Variants in CUX1 observed in about 807,000 individuals in gnomAD.
CUX1 encodes the protein cut like homeobox 1, also known as protein CASP.
A neutral mutation model predicts 158.8 loss-of-function variants in CUX1; 31 were observed. The ratio of observed to expected loss-of-function variants is 0.20; its 90% CI spans 0.15 to 0.26. CUX1 has a LOEUF of 0.26. CUX1 is among the 10% of genes least tolerant of loss of function. The probability of loss-of-function intolerance (pLI) is 1.00; values close to 1 mark genes in which losing one functional copy is unlikely to be tolerated. For missense variants in CUX1, 1,589 were observed against 2,014.6 expected, an observed-to-expected ratio of 0.79 and a Z score of 4.04; for synonymous variants, 879 against 862.1, an observed-to-expected ratio of 1.02 and a Z score of -0.34.
At chr7:102,174,363 C>T (rs1408548740) in intron 10 of CUX1, among the ~76,000 whole-genome samples, 6 of 152,154 alleles carry the variant, frequency 3.9e-5, no homozygotes, top group Non-Finnish European at 8.8e-5. Context: ...AGGTGATCTG[C>T]CCACCTCAGC....
chr7:101,846,951 G>A (rs1226073445), intron 1 of CUX1, among the ~76,000 whole-genome samples: 1 of 151,986 alleles, frequency 6.6e-6, no homozygotes, highest in Non-Finnish European at 1.5e-5. Flanking sequence ...GGGCAACATA[G>A]CAAGACCCTG....
intron 10 of CUX1, among the ~76,000 whole-genome samples, chr7:102,171,208 G>A (rs1289517268): frequency 6.6e-6 from 1 of 152,104 alleles, no homozygotes; most frequent in Non-Finnish European, 1.5e-5. Context: ...GACCTTGGGT[G>A]TTGGAGCCAT....
chr7:102,062,710 A>G (rs1450738344), intron 3 of CUX1, among the ~76,000 whole-genome samples: 2 of 152,156 alleles, frequency 1.3e-5, no homozygotes, highest in African/African-American at 2.4e-5. Flanking sequence ...TACACTGCCC[A>G]GGTTGATCTC....
upstream of CUX1, among the ~76,000 whole-genome samples, chr7:101,816,471 G>C (rs1791798627): frequency 7.1e-6 from 1 of 140,168 alleles, no homozygotes; most frequent in Non-Finnish European, 1.6e-5. Context: ...GGGCGGCCCC[G>C]GCGGCCCGCG....
rs868984069 is a variant in CUX1 at position 102,105,750 on chromosome 7, T to A, written c.530+1291T>A. Among the ~76,000 whole-genome samples the A allele has an allele frequency of 3.1e-4, 47 of 152,132 alleles. No homozygotes were observed. The Middle Eastern group carries it at 0.01, about 33-fold the overall frequency. ...CTGGTCTTGAACTCCTGACCTCAGG[T>A]GATCCACCCACCTCAGCCTTTCAAA... On this transcript the variant is annotated intron_variant, in intron 6 of 23. Transcript: ENST00000292535.
intron 2 of CUX1, among the ~76,000 whole-genome samples, chr7:101,998,230 G>A (rs144616565): frequency 5.9e-5 from 9 of 152,284 alleles, no homozygotes; most frequent in African/African-American, 9.6e-5. Context: ...GGCTGTGCCC[G>A]GCTGCAGGAA....
At chr7:101,857,901 T>A (rs1420067332) in intron 1 of CUX1, among the ~76,000 whole-genome samples, 1 of 152,098 alleles carries the variant, frequency 6.6e-6, no homozygotes, top group Non-Finnish European at 1.5e-5. Context: ...AGTGGGAGGA[T>A]CACTTGAGGT....
At position 102,253,913 on chromosome 7, in the gene CUX1, A is replaced by C; in HGVS notation, c.*4871A>C. The C allele has an allele frequency of 3.0e-6, 3 of 984,980 alleles. No homozygotes were observed. The highest frequency in any genetic ancestry group is 1.8e-5 in the African/African-American group (1 of 56,994). The allele number at this position is 984,980 out of a possible 1,614,324, so 61.0% of individuals were successfully genotyped here. A position where few individuals can be genotyped will look rare whatever the true frequency, so the allele number is the denominator to read the frequency against. On this transcript the variant is annotated 3_prime_UTR_variant, in exon 24 of 24. Coordinates refer to ENST00000292535, the MANE Select transcript of CUX1 (RefSeq NM_181552.4). The stretch of plus-strand genomic sequence containing the variant: ...CCCAGATGTCCTCCCTCTTCTTCAC[A>C]CTCCTCATTGTCCCTTCTACCTCAC...
At position 102,250,212 on chromosome 7, in the gene CUX1, A is replaced by G. The variant is rs116434957; in HGVS notation, c.*1170A>G. On this transcript the variant is annotated 3_prime_UTR_variant, in exon 24 of 24. Coordinates refer to ENST00000292535, the MANE Select transcript of CUX1 (RefSeq NM_181552.4). ...TGTACCTGTTAATTTTGTTTAATTT[A>G]TGGTGTCTCAATCTGTCTGTGCGTC... The G allele has an allele frequency of 2.9e-3, 2,859 of 985,428 alleles. 54 individuals carry two copies. The African/African-American group carries it at 0.044, about 15-fold the overall frequency. The allele number at this position is 985,428 out of a possible 1,614,324, so 61.0% of individuals were successfully genotyped here. A position where few individuals can be genotyped will look rare whatever the true frequency, so the allele number is the denominator to read the frequency against.
chr7:101,853,169 GC>G (rs1447524987), intron 1 of CUX1, among the ~76,000 whole-genome samples: 1 of 151,980 alleles, frequency 6.6e-6, no homozygotes, highest in African/African-American at 2.4e-5. Flanking sequence ...CCTATTCCCT[GC>G]CCCCTCTCTG....
chr7:102,115,095 C>A, intron 7 of CUX1, 112 bp from the exon 8 acceptor site: 1 of 866,082 alleles, frequency 1.2e-6, no homozygotes, highest in Admixed American at 2.5e-5. Flanking sequence ...TATTTTTCCA[C>A]GCACCTCGCT....
chr7:101,894,558 C>G (rs907793442), intron 1 of CUX1, among the ~76,000 whole-genome samples: 1 of 152,062 alleles, frequency 6.6e-6, no homozygotes, highest in Non-Finnish European at 1.5e-5. Flanking sequence ...GTGATCCACC[C>G]GCCTCGGCCT....
At chr7:102,081,042 C>A (rs797028481) in intron 4 of CUX1, among the ~76,000 whole-genome samples, 10 of 152,298 alleles carry the variant, frequency 6.6e-5, no homozygotes, top group African/African-American at 2.2e-4. Flanking sequence ...CGCTACTCCC[C>A]ATCACAGCAG....
chr7:102,103,402 T>G lies in CUX1; in HGVS notation c.407-934T>G, dbSNP rs185529298. ...CCTTCCTTTTCTGTCTCCCTCTCTT[T>G]CTTTTGCTCTCCGTTTCTCTCTCTC... On this transcript the variant is annotated intron_variant, in intron 5 of 23. Coordinates refer to ENST00000292535, the MANE Select transcript of CUX1 (RefSeq NM_181552.4). Among the ~76,000 whole-genome samples the G allele has an allele frequency of 2.0e-5, 3 of 149,760 alleles. No individual in the cohort carries two copies. The East Asian group carries it at 5.8e-4, about 29-fold the overall frequency.
chr7:102,118,143 C>T (rs1302120904), intron 8 of CUX1, among the ~76,000 whole-genome samples: 2 of 152,238 alleles, frequency 1.3e-5, no homozygotes, highest in African/African-American at 4.8e-5. Context: ...AGACCAGACA[C>T]GTTTTCATTC....
intron 1 of CUX1, among the ~76,000 whole-genome samples, chr7:101,849,221 T>C (rs902850210): frequency 6.6e-6 from 1 of 152,122 alleles, no homozygotes; most frequent in Non-Finnish European, 1.5e-5. Flanking sequence ...AGGTAAACTT[T>C]TGTCATGGGG....
intron 23 of CUX1, among the ~76,000 whole-genome samples, chr7:102,240,774 A>G (rs1159662434): frequency 4.6e-5 from 7 of 152,168 alleles, no homozygotes; most frequent in African/African-American, 1.4e-4. Flanking sequence ...CTTAATCCTC[A>G]CAGCTCACAA....
chr7:102,072,161 A>C (rs532029540), intron 4 of CUX1, among the ~76,000 whole-genome samples: 55 of 152,378 alleles, frequency 3.6e-4, no homozygotes, highest in Non-Finnish European at 7.1e-4. Context: ...ATATTTACTG[A>C]AAATGAAAGT....
intron 3 of CUX1, among the ~76,000 whole-genome samples, chr7:102,056,008 CTTAA>C (rs1344373548): frequency 6.6e-6 from 1 of 152,208 alleles, no homozygotes; most frequent in Non-Finnish European, 1.5e-5. Flanking sequence ...TTAATTGGGT[CTTAA>C]TTGTCTCAAG....
Sources: allele counts gnomAD v4.1 joint callset (sites outside exome capture counted in the v4.1 genomes callset), GRCh38; gene constraint gnomAD v4.1.1; transcripts MANE v1.5; gene names NCBI Gene and HGNC (gene_info 2026-07-23, HGNC 2026-07-21).